Variants in EXOC6B observed in about 807,000 individuals in gnomAD.
The protein encoded by EXOC6B is exocyst complex component 6B.
A neutral mutation model predicts 113.5 loss-of-function variants in EXOC6B; 54 were observed. The observed-to-expected ratio is 0.48, with a 90% CI of 0.38 to 0.60. The LOEUF is 0.60. Among genes scored for constraint, EXOC6B ranks in the 20% least tolerant of loss-of-function variants. The probability of loss-of-function intolerance (pLI) is 0.00; values close to 1 mark genes in which losing one functional copy is unlikely to be tolerated. For missense variants in EXOC6B, 797 were observed against 977.5 expected (o/e 0.82, Z 2.46); for synonymous variants, 357 against 339.0 (o/e 1.05, Z -0.58).
At chr2:72,493,687 G>A (rs1375146388) in intron 15 of EXOC6B, among the ~76,000 whole-genome samples, 3 of 151,916 alleles carry the variant, frequency 2.0e-5, no homozygotes, top group African/African-American at 4.8e-5. Context: ...CCATAGAAAT[G>A]CCATGTGTTT....
At chr2:72,673,219 G>A (rs1262297331) in intron 6 of EXOC6B, among the ~76,000 whole-genome samples, 1 of 152,032 alleles carries the variant, frequency 6.6e-6, no homozygotes, top group East Asian at 1.9e-4. Context: ...ACCAAGCCTG[G>A]GTACATATTA....
intron 1 of EXOC6B, among the ~76,000 whole-genome samples, chr2:72,762,942 T>C (rs940982134): frequency 2.0e-5 from 3 of 152,094 alleles, no homozygotes; most frequent in Non-Finnish European, 4.4e-5. Context: ...TTGTATGTTA[T>C]ATACAAACAC....
intron 18 of EXOC6B, among the ~76,000 whole-genome samples, chr2:72,442,382 A>G (rs1300157180): frequency 6.6e-6 from 1 of 152,134 alleles, no homozygotes; most frequent in Non-Finnish European, 1.5e-5. Flanking sequence ...CATATTCAAC[A>G]TGGTAATGGA....
chr2:72,767,992 C>G (rs914690620), intron 1 of EXOC6B, among the ~76,000 whole-genome samples: 5 of 149,902 alleles, frequency 3.3e-5, no homozygotes, highest in Non-Finnish European at 7.4e-5. Context: ...TGTCATGGGC[C>G]TGTAATCCCA....
At chr2:72,654,957 C>T (rs1436296349) in intron 6 of EXOC6B, among the ~76,000 whole-genome samples, 2 of 152,134 alleles carry the variant, frequency 1.3e-5, no homozygotes, top group African/African-American at 2.4e-5. Flanking sequence ...TTAACTCATT[C>T]TCATTATTTA....
chr2:72,572,524 C>A (rs1005535344), intron 7 of EXOC6B, among the ~76,000 whole-genome samples: 2 of 152,190 alleles, frequency 1.3e-5, no homozygotes, highest in Admixed American at 6.5e-5. Flanking sequence ...TTTTATCAAT[C>A]TTTCAAAGTA....
At chr2:72,671,532 T>TA (rs1409627923) in intron 6 of EXOC6B, among the ~76,000 whole-genome samples, 8 of 150,292 alleles carry the variant, frequency 5.3e-5, no homozygotes, top group East Asian at 2.0e-4. Flanking sequence ...CCGTCTCTAC[T>TA]AAAAAAAAAT....
At chr2:72,322,250 G>A (rs1687880450) in intron 20 of EXOC6B, among the ~76,000 whole-genome samples, 1 of 152,066 alleles carries the variant, frequency 6.6e-6, no homozygotes, top group Non-Finnish European at 1.5e-5. Context: ...AAAAAAGAAT[G>A]AACTATTGAC....
At position 72,539,733 on chromosome 2, in the gene EXOC6B, CGTGT is replaced by C. The variant is rs35689508; in HGVS notation, c.915+19716_915+19719del. Among the ~76,000 whole-genome samples the C allele has an allele frequency of 6.8e-3, 1,031 of 150,976 alleles. 7 individuals carry two copies. The highest frequency in any genetic ancestry group is 0.022 in the African/African-American group (893 of 41,172). On this transcript the variant is annotated intron_variant, in intron 8 of 21. Coordinates refer to ENST00000272427, the MANE Select transcript of EXOC6B (RefSeq NM_015189.3). ...ATCTTTTCCTTTCCTGTGGGCTATG[CGTGT>C]GTGTGTGTGTGTGCGCGCGCGCGCG... is the stretch of plus-strand genomic sequence containing the variant.
intron 20 of EXOC6B, among the ~76,000 whole-genome samples, chr2:72,286,485 G>C (rs916493985): frequency 6.6e-6 from 1 of 152,146 alleles, no homozygotes; most frequent in African/African-American, 2.4e-5. Flanking sequence ...TGGCTGCCAG[G>C]GGTTGGGGCA....
intron 20 of EXOC6B, among the ~76,000 whole-genome samples, chr2:72,315,669 C>T (rs1052579969): frequency 2.0e-5 from 3 of 151,996 alleles, no homozygotes; most frequent in African/African-American, 4.8e-5. Flanking sequence ...ACAGATTGGA[C>T]GTGTGATGTG....
chr2:72,754,973 A>G (rs1467508892), intron 1 of EXOC6B, among the ~76,000 whole-genome samples: 7 of 152,074 alleles, frequency 4.6e-5, no homozygotes, highest in Non-Finnish European at 1.5e-5. Flanking sequence ...TAATGAAACA[A>G]AATCTATTGA....
intron 20 of EXOC6B, among the ~76,000 whole-genome samples, chr2:72,249,206 T>C (rs1456168258): frequency 2.0e-5 from 3 of 152,200 alleles, no homozygotes; most frequent in Non-Finnish European, 4.4e-5. Flanking sequence ...TTGGAGGCTG[T>C]AGTGAGCTAG....
chr2:72,261,238 C>T (rs953820264), intron 20 of EXOC6B, among the ~76,000 whole-genome samples: 4 of 152,016 alleles, frequency 2.6e-5, no homozygotes, highest in African/African-American at 2.4e-5. Flanking sequence ...TGGAGGGAGG[C>T]GGAACAAGTA....
At chr2:72,525,157 GAGT>G (rs1402220877) in intron 8 of EXOC6B, among the ~76,000 whole-genome samples, 2 of 152,194 alleles carry the variant, frequency 1.3e-5, no homozygotes, top group African/African-American at 4.8e-5. Context: ...GATGATTATG[GAGT>G]AGTTGAGTCT....
intron 18 of EXOC6B, among the ~76,000 whole-genome samples, chr2:72,444,972 A>T (rs1166827562): frequency 6.6e-6 from 1 of 152,212 alleles, no homozygotes; most frequent in Non-Finnish European, 1.5e-5. Context: ...TCTTCTCAGA[A>T]AATGGGATTT....
intron 8 of EXOC6B, among the ~76,000 whole-genome samples, chr2:72,536,936 T>C (rs2105775721): frequency 6.6e-6 from 1 of 152,358 alleles, no homozygotes; most frequent in East Asian, 1.9e-4. Flanking sequence ...CACTCTCCAT[T>C]TATTCAGCAC....
chr2:72,724,092 A>G (rs1680165083), intron 5 of EXOC6B, among the ~76,000 whole-genome samples: 1 of 152,188 alleles, frequency 6.6e-6, no homozygotes, highest in Non-Finnish European at 1.5e-5. Flanking sequence ...AAAAAGAGCA[A>G]TGCAGAAAAA....
intron 2 of EXOC6B, among the ~76,000 whole-genome samples, chr2:72,735,399 C>T (rs184440786): frequency 1.7e-3 from 264 of 152,216 alleles, no homozygotes; most frequent in Middle Eastern, 3.4e-3. Flanking sequence ...CTATTCAATT[C>T]GATTATATTT....
Sources: allele counts gnomAD v4.1 joint callset (sites outside exome capture counted in the v4.1 genomes callset), GRCh38; gene constraint gnomAD v4.1.1; transcripts MANE v1.5; gene names NCBI Gene and HGNC (gene_info 2026-07-23, HGNC 2026-07-21).